The following ELP3 variants were observed in gnomAD, a reference collection of about 807,000 sequenced individuals.
The protein encoded by ELP3 is elongator complex protein 3.
A neutral mutation model predicts 74.9 loss-of-function variants in ELP3; 56 were observed. The observed-to-expected ratio is 0.75, with a 90% CI of 0.60 to 0.93. The LOEUF (loss-of-function observed/expected upper bound fraction) is 0.93. Ranked by LOEUF, ELP3 falls within the 40% of genes least tolerant of loss-of-function variation. The pLI, the probability that ELP3 is intolerant of heterozygous loss-of-function variation, is 0.00. For missense variants in ELP3, 573 were observed against 686.5 expected (o/e 0.83, Z 1.85); for synonymous variants, 222 against 239.8 (o/e 0.93, Z 0.68).
chr8:28,095,504 G>A (rs73669186), intron 1 of ELP3, among the ~76,000 whole-genome samples: 3,255 of 152,262 alleles, frequency 0.021, 141 homozygotes, highest in African/African-American at 0.075. Flanking sequence ...GGCCCCTGAG[G>A]CACCTTTGTA....
chr8:28,165,201 A>G (rs1238402693), intron 14 of ELP3, among the ~76,000 whole-genome samples: 1 of 152,182 alleles, frequency 6.6e-6, no homozygotes, highest in Admixed American at 6.5e-5. Flanking sequence ...TTCTGACTCT[A>G]GAATTCTACC....
At chr8:28,139,029 G>A (rs1813111769) in intron 10 of ELP3, among the ~76,000 whole-genome samples, 1 of 152,134 alleles carries the variant, frequency 6.6e-6, no homozygotes, top group South Asian at 2.1e-4. Context: ...CCACATGCAG[G>A]AGGCAGGGAG....
At chr8:28,105,681 ACT>A (rs1177335254) in intron 3 of ELP3, among the ~76,000 whole-genome samples, 2 of 152,152 alleles carry the variant, frequency 1.3e-5, no homozygotes, top group Non-Finnish European at 1.5e-5. Context: ...TATGTTGAAC[ACT>A]CTGATTGGCC....
At chr8:28,132,135 T>G in intron 8 of ELP3, 143 bp from the exon 9 acceptor site, 1 of 775,766 alleles carries the variant, frequency 1.3e-6, no homozygotes, top group Non-Finnish European at 2.0e-6. Context: ...AGCCATATGA[T>G]TTTGGTTATG....
At chr8:28,100,033 TGTGACGCCC>T (rs1811413357) in intron 3 of ELP3, 67 bp downstream of exon 3, 1 of 1,604,496 alleles carries the variant, frequency 6.2e-7, no homozygotes, top group Non-Finnish European at 8.5e-7. Flanking sequence ...CCCTGCTCCA[TGTGACGCCC>T]GTGTAGTGAG....
chr8:28,108,404 G>C (rs560262792), intron 5 of ELP3, among the ~76,000 whole-genome samples: 8 of 151,694 alleles, frequency 5.3e-5, no homozygotes, highest in Admixed American at 1.3e-4. Context: ...TGTCACTTTA[G>C]CAGTGGAAAA....
intron 14 of ELP3, among the ~76,000 whole-genome samples, chr8:28,183,497 C>T (rs1315489653): frequency 6.6e-6 from 1 of 152,180 alleles, no homozygotes; most frequent in East Asian, 1.9e-4. Context: ...GATCTCAGCT[C>T]ACTGCAACCT....
In ELP3 at chr8:28,189,744, C is replaced by A; in HGVS notation, c.*19C>A. ...GAAATAATGGCCACACCAGTCCACT[C>A]TTCTGCAGTATCCTCCCTGGCAGAA... is the stretch of plus-strand genomic sequence containing the variant. On this transcript the variant is annotated 3_prime_UTR_variant, in exon 15 of 15. Coordinates refer to ENST00000256398, the MANE Select transcript of ELP3 (RefSeq NM_018091.6). 6.2e-7 allele frequency: 1 copy of A among 1,609,428 alleles called. No individual in the cohort carries two copies. The highest frequency in any genetic ancestry group is 1.3e-5 in the African/African-American group (1 of 74,968).
At chr8:28,159,644 C>T (rs1438097777) in intron 12 of ELP3, among the ~76,000 whole-genome samples, 3 of 152,182 alleles carry the variant, frequency 2.0e-5, no homozygotes, top group African/African-American at 7.2e-5. Context: ...AAAGCTTCCC[C>T]CCAGAAGCTA....
intron 14 of ELP3, among the ~76,000 whole-genome samples, chr8:28,177,706 C>G (rs943684933): frequency 6.6e-6 from 1 of 152,144 alleles, no homozygotes. Flanking sequence ...TGGCCTATGT[C>G]CTAACAAGTA....
chr8:28,097,186 G>A (rs372777216), intron 1 of ELP3, 33 bp from the exon 2 acceptor site: 9 of 1,452,320 alleles, frequency 6.2e-6, no homozygotes, highest in Middle Eastern at 1.7e-4. Flanking sequence ...TGAATGATAC[G>A]ATTTTTGACA....
At chr8:28,171,436 T>A (rs1814520733) in intron 14 of ELP3, among the ~76,000 whole-genome samples, 1 of 152,162 alleles carries the variant, frequency 6.6e-6, no homozygotes, top group Non-Finnish European at 1.5e-5. Flanking sequence ...TGATTAATGA[T>A]GTTGAATGTC....
At chr8:28,165,367 C>T (rs1032841603) in intron 14 of ELP3, among the ~76,000 whole-genome samples, 5 of 152,094 alleles carry the variant, frequency 3.3e-5, no homozygotes, top group African/African-American at 9.7e-5. Flanking sequence ...ATGAAAATGG[C>T]GATAGTTTCC....
chr8:28,129,534 G>C lies in ELP3; in HGVS notation c.650G>C (p.Gly217Ala). Residue 217 changes from glycine to alanine, a missense_variant, in exon 8 of 15, where the codon GGA becomes GCA. Gly to Ala is a moderately conservative substitution (Grantham distance 60, BLOSUM62 0). Coordinates refer to ENST00000256398, the MANE Select transcript of ELP3 (RefSeq NM_018091.6). ...YSERSLTKCI[G>A]ITIETRPDYC... ...GAGAGAAGCCTCACAAAGTGTATTG[G>C]AATTACTATTGAAACCAGACCAGAT... 1 of 1,614,186 alleles carries C rather than the reference G, an allele frequency of 6.2e-7. No individual in the cohort carries two copies. Among genetic ancestry groups the C allele is most frequent in the South Asian group, 1.1e-5 (1 of 91,086 alleles).
At chr8:28,179,404 T>C (rs536399159) in intron 14 of ELP3, among the ~76,000 whole-genome samples, 11 of 152,370 alleles carry the variant, frequency 7.2e-5, no homozygotes, top group African/African-American at 2.6e-4. Context: ...GTTCCAGTTT[T>C]GGTTGTATAC....
At chr8:28,104,450 C>G (rs926739221) in intron 3 of ELP3, among the ~76,000 whole-genome samples, 5 of 152,226 alleles carry the variant, frequency 3.3e-5, no homozygotes, top group Non-Finnish European at 7.3e-5. Flanking sequence ...CCTCAGACCT[C>G]ACTTAAGTTT....
At chr8:28,157,051 A>G (rs1426958357) in intron 11 of ELP3, among the ~76,000 whole-genome samples, 1 of 152,162 alleles carries the variant, frequency 6.6e-6, no homozygotes, top group Non-Finnish European at 1.5e-5. Flanking sequence ...CAAGAAGGCC[A>G]CTGACCTTCA....
intron 7 of ELP3, among the ~76,000 whole-genome samples, chr8:28,126,616 G>A (rs927595912): frequency 1.3e-5 from 2 of 152,160 alleles, no homozygotes; most frequent in African/African-American, 2.4e-5. Context: ...AAGAGGTATG[G>A]GAGTTGAACT....
intron 1 of ELP3, among the ~76,000 whole-genome samples, chr8:28,096,315 T>A (rs544244054): frequency 6.6e-6 from 1 of 152,246 alleles, no homozygotes; most frequent in Non-Finnish European, 1.5e-5. Context: ...ACAATAAATG[T>A]AATGCACTTG....
Sources: allele counts gnomAD v4.1 joint callset (sites outside exome capture counted in the v4.1 genomes callset), GRCh38; gene constraint gnomAD v4.1.1; transcripts MANE v1.5; gene names NCBI Gene and HGNC (gene_info 2026-07-23, HGNC 2026-07-21).